Variants in CEP68 observed in about 807,000 individuals in gnomAD.
The protein encoded by CEP68 is centrosomal protein of 68 kDa.
Under a neutral mutation model 55.3 loss-of-function variants are expected in CEP68, and 26 were observed. That is an observed-to-expected ratio of 0.47 (90% confidence interval 0.34 to 0.65). The LOEUF is 0.65. CEP68 is among the 30% of genes least tolerant of loss of function. CEP68 has a pLI of 0.01. For synonymous variants in CEP68, 402 were observed against 383.2 expected (o/e 1.05, Z -0.57); for missense variants, 957 against 946.7 (o/e 1.01, Z -0.14).
intron 5 of CEP68, chr2:65,080,133 CAA>C (rs397984856): frequency 7.9e-4 from 420 of 533,654 alleles, no homozygotes; most frequent in Non-Finnish European, 9.1e-4. Context: ...AATTCCTTCT[CAA>C]AAAAAAAAAA....
rs768171040 is a variant in CEP68, at chr2:65,072,013, C to G, written c.917C>G (p.Thr306Ser). Residue 306 changes from threonine to serine, a missense_variant, in exon 3 of 7, where the codon ACT (threonine) becomes AGT (serine). Thr to Ser is a moderately conservative substitution (Grantham distance 58). Transcript: ENST00000377990. ...NKEYEDLLDY[T>S]YPLRPGPQLP... ...GAGTATGAAGATCTGCTTGACTATA[C>G]TTACCCACTGAGGCCCGGGCCTCAG... The G allele has an allele frequency of 1.9e-6, 3 of 1,613,330 alleles. No individual in the cohort carries two copies. The highest frequency in any genetic ancestry group is 1.7e-6 in the Non-Finnish European group (2 of 1,180,012).
rs766897498 is a variant in CEP68 at position 65,072,030 on chromosome 2, G to A, written c.934G>A (p.Gly312Arg). 22 of 1,613,424 alleles carry A rather than the reference G, an allele frequency of 1.4e-5. No homozygotes were observed. Among genetic ancestry groups the A allele is most frequent in the East Asian group, 4.5e-5 (2 of 44,836 alleles). ...LLDYTYPLRP[G>R]PQLPKHLDSR... ...TGACTATACTTACCCACTGAGGCCC[G>A]GGCCTCAGCTCCCAAAGCACCTTGA... Residue 312 changes from glycine to arginine, a missense_variant, in exon 3 of 7, where the codon GGG (glycine) becomes AGG (arginine). Transcript: ENST00000377990.
Position 65,072,718 on chromosome 2 carries a change from C to T in CEP68, c.1622C>T (p.Pro541Leu). 3.1e-6 allele frequency: 5 copies of T among 1,614,156 alleles called. No individual in the cohort carries two copies. The highest frequency in any genetic ancestry group is 4.2e-6 in the Non-Finnish European group (5 of 1,180,008). ...AGCTCCAGCCAAAGCCAGCTTCCCC[C>T]TGGAGCTGCCCTCCAAGGATCTGGG... ...PSSSSQSQLP[P>L]GAALQGSGDP... Residue 541 changes from proline (P) to leucine (L), a missense_variant, in exon 3 of 7, where the codon CCT (proline) becomes CTT (leucine). By Grantham distance (98) the Pro-to-Leu change is moderately conservative (BLOSUM62 -3). Coordinates refer to ENST00000377990, the MANE Select transcript of CEP68 (RefSeq NM_015147.3).
In CEP68 at chr2:65,069,713, C is replaced by G; in HGVS notation, c.269C>G (p.Pro90Arg). 1 of 1,614,108 alleles carries G rather than the reference C, an allele frequency of 6.2e-7. No homozygotes were observed. Residue 90 changes from proline to arginine, a missense_variant, in exon 2 of 7, where the codon CCC becomes CGC. By Grantham distance (103) the Pro-to-Arg change is moderately radical. Transcript: ENST00000377990. Reference sequence around the variant, plus strand: ...CAGGCCAGTGATGCCAACAGAGAGCCCGTAGCTGAGAGGTCTGAGCCTGCA... The same window carrying G: ...CAGGCCAGTGATGCCAACAGAGAGCGCGTAGCTGAGAGGTCTGAGCCTGCA... ...QPQASDANRE[P>R]VAERSEPALS...
chr2:65,058,167 A>G (rs769036717), intron 1 of CEP68, among the ~76,000 whole-genome samples: 2 of 152,214 alleles, frequency 1.3e-5, no homozygotes, highest in Non-Finnish European at 2.9e-5. Flanking sequence ...ATATCTGTAT[A>G]GTACTTGACC....
intron 4 of CEP68, among the ~76,000 whole-genome samples, chr2:65,075,694 ATATCT>A (rs1432736741): frequency 7.2e-5 from 11 of 152,188 alleles, no homozygotes; most frequent in Non-Finnish European, 1.5e-4. Context: ...GCCTTCTAGC[ATATCT>A]GGTTGGCTGC....
rs9677318 is a variant in CEP68, at chr2:65,058,496, C to T, written c.-47+1968C>T. Among the ~76,000 whole-genome samples the T allele has an allele frequency of 3.8e-4, 37 of 96,864 alleles. 1 individual carries two copies. The highest frequency in any genetic ancestry group is 1.5e-3 in the African/African-American group (36 of 24,188). The allele number at this position is 96,864 out of a possible 152,430, so 63.5% of individuals were successfully genotyped here. A position where few individuals can be genotyped will look rare whatever the true frequency, so the allele number is the denominator to read the frequency against. ...ACCTTATCCGATGGCTGATTTTTTT[C>T]CTTTTTTTTTTTTTTTTTTTTTTTT... On this transcript the variant is annotated intron_variant, in intron 1 of 6. Coordinates refer to ENST00000377990, the MANE Select transcript of CEP68 (RefSeq NM_015147.3).
chr2:65,074,717 ATTGC>A (rs1676677153), intron 4 of CEP68: 2 of 364,672 alleles, frequency 5.5e-6, no homozygotes, highest in Admixed American at 7.7e-5. Flanking sequence ...AGACAGGAAG[ATTGC>A]TTGAGCCCAG....
chr2:65,066,745 A>AAAAAATAT (rs70943620), intron 1 of CEP68, among the ~76,000 whole-genome samples: 8 of 58,398 alleles, frequency 1.4e-4, no homozygotes, highest in African/African-American at 2.7e-4. Flanking sequence ...AAAAAAAAAA[A>AAAAAATAT]ATATATATAT....
In CEP68 at chr2:65,069,391, T is replaced by G; in HGVS notation, c.-46-8T>G. The G allele has an allele frequency of 7.5e-7, 1 of 1,335,280 alleles. No individual in the cohort carries two copies. Among genetic ancestry groups the G allele is most frequent in the Non-Finnish European group, 1.0e-6 (1 of 987,246 alleles). The allele number at this position is 1,335,280 out of a possible 1,614,324, so 82.7% of individuals were successfully genotyped here. The stretch of plus-strand genomic sequence containing the variant: ...TTATATTTTTCTCTCCCTTCCCCTG[T>G]TTTGTAGGAAGCTGAAGTCTTCAGC... On this transcript the variant is annotated splice_region_variant and splice_polypyrimidine_tract_variant and intron_variant, in intron 1 of 6. Transcript: ENST00000377990.
At chr2:65,059,628 G>A (rs969703279) in intron 1 of CEP68, among the ~76,000 whole-genome samples, 1 of 152,182 alleles carries the variant, frequency 6.6e-6, no homozygotes, top group African/African-American at 2.4e-5. Flanking sequence ...TTCTTCTTGT[G>A]TGTGGCTGGC....
rs41285945 is a variant in CEP68 at position 65,069,611 on chromosome 2, G to C, written c.167G>C (p.Trp56Ser). ...EAEGGLISPV[W>S]GAEGIPAPTC... ...GAGGGAGGGCTCATCTCCCCTGTAT[G>C]GGGGGCAGAAGGGATACCTGCCCCT... Residue 56 changes from tryptophan to serine, a missense_variant, in exon 2 of 7, where the codon TGG becomes TCG. Coordinates refer to ENST00000377990, the MANE Select transcript of CEP68 (RefSeq NM_015147.3). 2.7e-5 allele frequency: 43 copies of C among 1,614,082 alleles called. No individual in the cohort carries two copies. The Admixed American group carries it at 7.2e-4, about 27-fold the overall frequency.
At chr2:65,060,218 G>C (rs964745140) in intron 1 of CEP68, among the ~76,000 whole-genome samples, 1 of 135,334 alleles carries the variant, frequency 7.4e-6, no homozygotes, top group Non-Finnish European at 1.6e-5. Context: ...AGCAGCCAAA[G>C]CAAAGAGGGA....
At chr2:65,058,047 A>G (rs1001449767) in intron 1 of CEP68, among the ~76,000 whole-genome samples, 1 of 152,226 alleles carries the variant, frequency 6.6e-6, no homozygotes, top group African/African-American at 2.4e-5. Context: ...ATATTGATGT[A>G]TAGTGCCTAA....
chr2:65,057,544 T>TCCTCCCTTTTTTGGGC (rs1295104682), intron 1 of CEP68, among the ~76,000 whole-genome samples: 1 of 152,176 alleles, frequency 6.6e-6, no homozygotes, highest in Non-Finnish European at 1.5e-5. Context: ...GACTGATAAC[T>TCCTCCCTTTTTTGGGC]CCTCCCTTTT....
At chr2:65,075,705 G>A (rs1376089404) in intron 4 of CEP68, among the ~76,000 whole-genome samples, 1 of 152,152 alleles carries the variant, frequency 6.6e-6, no homozygotes, top group Non-Finnish European at 1.5e-5. Flanking sequence ...TATCTGGTTG[G>A]CTGCACCTTT....
chr2:65,081,217 A>C (rs1389972117), intron 5 of CEP68, among the ~76,000 whole-genome samples: 2 of 151,724 alleles, frequency 1.3e-5, no homozygotes, highest in Non-Finnish European at 2.9e-5. Flanking sequence ...ATCTCAAAAA[A>C]AAAAAAAAAG....
At chr2:65,067,715 G>A (rs1347621277) in intron 1 of CEP68, among the ~76,000 whole-genome samples, 3 of 152,132 alleles carry the variant, frequency 2.0e-5, no homozygotes, top group Admixed American at 1.3e-4. Flanking sequence ...GGACAAGGGC[G>A]GAGAGAGACT....
chr2:65,070,580 G>C (rs1200789017), intron 2 of CEP68: 5 of 152,336 alleles, frequency 3.3e-5, no homozygotes, highest in African/African-American at 1.2e-4. Context: ...AGCGGGACTG[G>C]GAGAGAACAG....
Sources: gnomAD v4.1 joint callset for allele counts (sites outside exome capture counted in the v4.1 genomes callset) on GRCh38, gnomAD v4.1.1 for gene constraint, MANE v1.5 for transcripts, NCBI Gene and HGNC (gene_info 2026-07-23, HGNC 2026-07-21) for gene names.